The following ATP2B1 variants were observed in gnomAD, a reference collection of about 807,000 sequenced individuals.
ATP2B1 encodes the protein ATPase plasma membrane Ca2+ transporting 1.
ATP2B1 carries 14 observed loss-of-function variants against 124.2 expected under a neutral mutation model. The observed-to-expected ratio is 0.11, with a 90% CI of 0.07 to 0.18. The LOEUF is 0.18. Ranked by LOEUF, ATP2B1 falls within the 10% of genes least tolerant of loss-of-function variation. The pLI is 1.00. For synonymous variants in ATP2B1, 449 were observed against 492.4 expected, an observed-to-expected ratio of 0.91 and a Z score of 1.17; for missense variants, 763 against 1,466.1, an observed-to-expected ratio of 0.52 and a Z score of 7.83.
rs116694524 is a variant in ATP2B1, at chr12:89,655,798, G to A, written c.89C>T (p.Thr30Met). The change falls in exon 2 of 21, where the codon ACG becomes ATG. Residue 30 changes from threonine (T) to methionine (M), a missense_variant. By Grantham distance (81) the Thr-to-Met change is moderately conservative. Around this residue, in one of 7 missense-constraint regions of ATP2B1, gnomAD observed 93 missense variants for 112.7 expected, o/e 0.83. Coordinates refer to ENST00000428670, the MANE Select transcript of ATP2B1 (RefSeq NM_001366521.1). The part of the protein sequence containing the change: ...EANHDGDFGI[T>M]LAELRALMEL... ...CATGAGAGCCCGCAGCTCTGCGAGCGTAATTCCAAAGTCTCCATCATGATT... is the reference window on the plus strand; with the variant it reads ...CATGAGAGCCCGCAGCTCTGCGAGCATAATTCCAAAGTCTCCATCATGATT... 6.0e-4 allele frequency: 975 copies of A among 1,614,116 alleles called. 2 individuals are homozygous for A. The highest frequency in any genetic ancestry group is 1.5e-3 in the South Asian group (139 of 91,088).
chr12:89,661,150 T>C (rs2136419650), intron 1 of ATP2B1, among the ~76,000 whole-genome samples: 1 of 152,326 alleles, frequency 6.6e-6, no homozygotes, highest in South Asian at 2.1e-4. Flanking sequence ...TAGAAGTCAA[T>C]GTGTACCATC....
chr12:89,661,565 A>C (rs1486602025), intron 1 of ATP2B1, among the ~76,000 whole-genome samples: 2 of 152,220 alleles, frequency 1.3e-5, no homozygotes, highest in Non-Finnish European at 2.9e-5. Flanking sequence ...AGGATAAACA[A>C]TATCCAAGTT....
intron 20 of ATP2B1, among the ~76,000 whole-genome samples, chr12:89,596,769 G>T (rs2135889652): frequency 6.6e-6 from 1 of 152,170 alleles, no homozygotes; most frequent in African/African-American, 2.4e-5. Context: ...AGGGAAGGGG[G>T]TTTATCAGGA....
chr12:89,624,099 A>G, intron 9 of ATP2B1, 84 bp downstream of exon 9: 1 of 1,207,456 alleles, frequency 8.3e-7, no homozygotes, highest in Non-Finnish European at 1.2e-6. Context: ...TTTCAGAAGC[A>G]GAAAAGGAGT....
chr12:89,624,105 G>A (rs1375883387), intron 9 of ATP2B1, 78 bp downstream of exon 9: 4 of 1,259,630 alleles, frequency 3.2e-6, no homozygotes, highest in Non-Finnish European at 4.5e-6. Context: ...AAGCAGAAAA[G>A]GAGTAACTAG....
Position 89,673,805 on chromosome 12 carries a change from T to A in ATP2B1, c.-221-17698A>T, listed in dbSNP as rs78042526. On this transcript the variant is annotated intron_variant, in intron 1 of 20. Transcript: ENST00000428670. ...AGGTAATTAGGAAATGTTATGAATA[T>A]GACATGAGTAAAACCAGTGGTACAG... Among the ~76,000 whole-genome samples the A allele has an allele frequency of 2.9e-3, 444 of 152,272 alleles. 1 individual carries two copies. The highest frequency in any genetic ancestry group is 0.01 in the African/African-American group (425 of 41,548).
In ATP2B1 at chr12:89,642,307, C is replaced by G; in HGVS notation, c.257G>C (p.Gly86Ala). ...ADLERREAVF[G>A]KNFIPPKKPK... ...CTTTTTAGGAGGTATAAAATTCTTT[C>G]CAAACACTGCTTCTCTTCTTTCTAA... Residue 86 changes from glycine to alanine, a missense_variant, in exon 3 of 21, where the codon GGA becomes GCA. By Grantham distance (60) the Gly-to-Ala change is moderately conservative (BLOSUM62 0). Transcript: ENST00000428670. 9 of 1,613,750 alleles carry G rather than the reference C, an allele frequency of 5.6e-6. No homozygotes were observed. Among genetic ancestry groups the G allele is most frequent in the Non-Finnish European group, 7.6e-6 (9 of 1,179,922 alleles).
At chr12:89,642,546 G>C (rs560792411) in intron 2 of ATP2B1, among the ~76,000 whole-genome samples, 191 bp from the exon 3 acceptor site, 72 of 152,266 alleles carry the variant, frequency 4.7e-4, no homozygotes, top group African/African-American at 1.6e-3. Context: ...AAGTAGATCA[G>C]TTAGGACTGC....
chr12:89,654,045 CAAT>C (rs1310662648), intron 2 of ATP2B1, among the ~76,000 whole-genome samples: 3 of 152,130 alleles, frequency 2.0e-5, no homozygotes, highest in African/African-American at 7.2e-5. Context: ...GATGATAAAA[CAAT>C]GAGATTTTTT....
intron 2 of ATP2B1, among the ~76,000 whole-genome samples, chr12:89,647,968 C>T (rs906677755): frequency 6.6e-6 from 1 of 152,180 alleles, no homozygotes; most frequent in African/African-American, 2.4e-5. Context: ...TCTGAGACAT[C>T]CCTAGAAGCC....
intron 20 of ATP2B1, among the ~76,000 whole-genome samples, chr12:89,597,516 T>C (rs1445851425): frequency 1.3e-5 from 2 of 152,122 alleles, no homozygotes; most frequent in East Asian, 1.9e-4. Flanking sequence ...GAAAATATAC[T>C]TAAGTAAATA....
intron 1 of ATP2B1, among the ~76,000 whole-genome samples, chr12:89,681,142 C>G: frequency 6.6e-6 from 1 of 151,978 alleles, no homozygotes; most frequent in East Asian, 1.9e-4. Context: ...TAAAGTGGAA[C>G]ACGGTAAAAA....
chr12:89,618,294 T>C (rs1439440970), intron 11 of ATP2B1, among the ~76,000 whole-genome samples: 2 of 152,242 alleles, frequency 1.3e-5, no homozygotes, highest in African/African-American at 4.8e-5. Flanking sequence ...GTATGTTTAC[T>C]GTCCACCAGG....
chr12:89,660,275 TA>T (rs1886546727), intron 1 of ATP2B1, among the ~76,000 whole-genome samples: 1 of 152,294 alleles, frequency 6.6e-6, no homozygotes, highest in Non-Finnish European at 1.5e-5. Flanking sequence ...AACTCAAAGC[TA>T]GGTAAAAATC....
At chr12:89,704,645 C>T (rs570830476) in intron 1 of ATP2B1, among the ~76,000 whole-genome samples, 15 of 152,102 alleles carry the variant, frequency 9.9e-5, no homozygotes, top group African/African-American at 2.9e-4. Context: ...AAAAAAAGTA[C>T]AATTGTCTGC....
At chr12:89,661,696 G>A (rs866430999) in intron 1 of ATP2B1, among the ~76,000 whole-genome samples, 5 of 151,958 alleles carry the variant, frequency 3.3e-5, no homozygotes, top group Admixed American at 6.6e-5. Flanking sequence ...TTTTGACTAC[G>A]GGCTTTCAAA....
intron 12 of ATP2B1, chr12:89,612,140 GTTCCTCCTTTAAAACATA>G (rs1180217465): frequency 2.6e-5 from 4 of 152,138 alleles, no homozygotes; most frequent in South Asian, 4.2e-4. Flanking sequence ...CTTTAAGTTT[GTTCCTCCTTTAAAACATA>G]TGATATACTT....
chr12:89,611,394 A>AT (rs1877978412), intron 12 of ATP2B1, 22 bp from the exon 13 acceptor site: 3 of 1,484,282 alleles, frequency 2.0e-6, no homozygotes, highest in Non-Finnish European at 2.7e-6. Flanking sequence ...TAAAAAAAAA[A>AT]ATTACAAAGT....
chr12:89,698,813 G>T (rs1390952547), intron 1 of ATP2B1, among the ~76,000 whole-genome samples: 1 of 152,148 alleles, frequency 6.6e-6, no homozygotes, highest in Admixed American at 6.5e-5. Context: ...GGTTAGATAA[G>T]ACACTTCTAT....
Sources: gnomAD v4.1 joint callset for allele counts (sites outside exome capture counted in the v4.1 genomes callset) on GRCh38, gnomAD v4.1.1 for gene constraint, gnomAD v4.1.1 regional missense constraint, MANE v1.5 for transcripts, NCBI Gene and HGNC (gene_info 2026-07-23, HGNC 2026-07-21) for gene names.